KCNB2: variants seen among roughly 807,000 people sequenced by gnomAD.
The protein encoded by KCNB2 is delayed rectifier potassium channel protein.
In KCNB2, 15 loss-of-function variants were observed where a neutral mutation model predicts 61.5. That is an observed-to-expected ratio of 0.24 (90% CI 0.16 to 0.38). The LOEUF is 0.38. KCNB2 is among the 10% of genes least tolerant of loss of function. The pLI is 1.00. For missense variants in KCNB2, 828 were observed against 1,125.2 expected (o/e 0.74, Z 3.78); for synonymous variants, 457 against 446.0 (o/e 1.02, Z -0.31).
rs372612544 is a variant in KCNB2, at chr8:72,821,104, C to T, written c.580-114831C>T. Among the ~76,000 whole-genome samples the T allele has an allele frequency of 2.1e-4, 32 of 152,150 alleles. No homozygotes were observed. In the East Asian group the frequency reaches 4.2e-3, roughly 20 times the overall value. On this transcript the variant is annotated intron_variant, in intron 2 of 2. Coordinates refer to ENST00000523207, the MANE Select transcript of KCNB2 (RefSeq NM_004770.3). Reference sequence around the variant, plus strand: ...TCTTCAATTTTCATATCTCAAAAGGCGATATTATCCAATAGACAAAAACAC... The same window carrying T: ...TCTTCAATTTTCATATCTCAAAAGGTGATATTATCCAATAGACAAAAACAC...
At chr8:72,906,388 T>C (rs901268302) in intron 2 of KCNB2, among the ~76,000 whole-genome samples, 2 of 152,218 alleles carry the variant, frequency 1.3e-5, no homozygotes, top group Non-Finnish European at 1.5e-5. Context: ...TTGGGTCACC[T>C]TCATCAGTCC....
chr8:72,605,776 C>T lies in KCNB2; in HGVS notation c.579+37463C>T, dbSNP rs191837402. Among the ~76,000 whole-genome samples, 482 of 152,084 alleles carry T rather than the reference C, an allele frequency of 3.2e-3. 2 individuals are homozygous for T. The highest frequency in any genetic ancestry group is 0.011 in the African/African-American group (470 of 41,488). On this transcript the variant is annotated intron_variant, in intron 2 of 2. Coordinates refer to ENST00000523207, the MANE Select transcript of KCNB2 (RefSeq NM_004770.3). ...GGTTCAATAAATATTCTAATGGTGG[C>T]AGGTGAGCATAAATATAGAGAAGAT...
intron 2 of KCNB2, among the ~76,000 whole-genome samples, chr8:72,806,527 A>G (rs1809225772): frequency 1.3e-5 from 2 of 151,992 alleles, no homozygotes; most frequent in Admixed American, 6.6e-5. Flanking sequence ...AGGCAGGAGA[A>G]TCACTTGAAC....
intron 2 of KCNB2, among the ~76,000 whole-genome samples, chr8:72,900,037 C>A (rs1014692755): frequency 6.6e-6 from 1 of 151,952 alleles, no homozygotes; most frequent in Non-Finnish European, 1.5e-5. Context: ...CCTGAATAGC[C>A]AAAGCAATCC....
intron 2 of KCNB2, among the ~76,000 whole-genome samples, chr8:72,617,223 G>T (rs900087896): frequency 1.3e-5 from 2 of 152,032 alleles, no homozygotes; most frequent in African/African-American, 2.4e-5. Context: ...TACTAATGTT[G>T]CCCCAATCCT....
chr8:72,749,428 T>G (rs1808144765), intron 2 of KCNB2: 1 of 152,058 alleles, frequency 6.6e-6, no homozygotes, highest in South Asian at 2.1e-4. Flanking sequence ...AACCAGTCAT[T>G]TTCTCTGAGA....
At chr8:72,624,788 G>A (rs1051799138) in intron 2 of KCNB2, among the ~76,000 whole-genome samples, 1 of 152,178 alleles carries the variant, frequency 6.6e-6, no homozygotes, top group Non-Finnish European at 1.5e-5. Flanking sequence ...GCAGTGGGAT[G>A]TACTTGGTTA....
At chr8:72,915,721 C>A (rs7460411) in intron 2 of KCNB2, among the ~76,000 whole-genome samples, 1 of 151,448 alleles carries the variant, frequency 6.6e-6, no homozygotes, top group African/African-American at 2.4e-5. Context: ...AGATCAATAC[C>A]ATCCTGGCTA....
At chr8:72,896,068 T>C (rs891088530) in intron 2 of KCNB2, among the ~76,000 whole-genome samples, 1 of 152,190 alleles carries the variant, frequency 6.6e-6, no homozygotes, top group Non-Finnish European at 1.5e-5. Context: ...AGAGGAGTTA[T>C]GATGAAGCAT....
intron 2 of KCNB2, among the ~76,000 whole-genome samples, chr8:72,579,368 C>G (rs139185170): frequency 4.6e-5 from 7 of 151,972 alleles, no homozygotes; most frequent in African/African-American, 1.7e-4. Flanking sequence ...TGTAAGAGTC[C>G]GAATTGAAGA....
At chr8:72,868,436 G>A (rs1281067011) in intron 2 of KCNB2, among the ~76,000 whole-genome samples, 1 of 151,816 alleles carries the variant, frequency 6.6e-6, no homozygotes, top group Non-Finnish European at 1.5e-5. Context: ...AAATTAGCCA[G>A]GCGTGGTGGC....
intron 2 of KCNB2, among the ~76,000 whole-genome samples, chr8:72,810,966 T>C (rs1027100446): frequency 6.6e-6 from 1 of 152,176 alleles, no homozygotes; most frequent in Non-Finnish European, 1.5e-5. Flanking sequence ...GTCACAGTTA[T>C]CAAGCTAGAA....
chr8:72,700,377 AT>A (rs1364956830), intron 2 of KCNB2, among the ~76,000 whole-genome samples: 5 of 152,084 alleles, frequency 3.3e-5, no homozygotes, highest in Non-Finnish European at 5.9e-5. Flanking sequence ...TAATTAATTA[AT>A]TTAATTTAAA....
chr8:72,737,696 A>G (rs1030949032), intron 2 of KCNB2, among the ~76,000 whole-genome samples: 7 of 152,152 alleles, frequency 4.6e-5, no homozygotes, highest in African/African-American at 1.7e-4. Context: ...GGACGTGGCA[A>G]TGGGGTGGAC....
At chr8:72,709,358 T>A (rs1218652442) in intron 2 of KCNB2, among the ~76,000 whole-genome samples, 1 of 152,136 alleles carries the variant, frequency 6.6e-6, no homozygotes, top group Non-Finnish European at 1.5e-5. Context: ...CCTTCTGTAT[T>A]AGACCATTTT....
chr8:72,704,719 A>G (rs74382397), intron 2 of KCNB2, among the ~76,000 whole-genome samples: 1,802 of 152,280 alleles, frequency 0.012, 23 homozygotes, highest in Non-Finnish European at 0.019. Context: ...GGAATTTAGC[A>G]GTGACTCCAA....
intron 2 of KCNB2, among the ~76,000 whole-genome samples, chr8:72,593,356 G>A (rs1379615287): frequency 1.3e-5 from 2 of 152,128 alleles, no homozygotes; most frequent in East Asian, 3.8e-4. Flanking sequence ...GGGAGCTGTA[G>A]ACATATTATG....
At chr8:72,859,118 T>C (rs985846848) in intron 2 of KCNB2, among the ~76,000 whole-genome samples, 3 of 152,148 alleles carry the variant, frequency 2.0e-5, no homozygotes, top group Non-Finnish European at 4.4e-5. Flanking sequence ...GAGTAGTACC[T>C]CTCAGTGTGA....
At chr8:72,686,937 G>A (rs532397831) in intron 2 of KCNB2, among the ~76,000 whole-genome samples, 1 of 152,276 alleles carries the variant, frequency 6.6e-6, no homozygotes, top group South Asian at 2.1e-4. Flanking sequence ...ATGAAATAAT[G>A]AGGATAGGCT....
Sources: allele counts gnomAD v4.1 joint callset (sites outside exome capture counted in the v4.1 genomes callset), GRCh38; gene constraint gnomAD v4.1.1; transcripts MANE v1.5; gene names NCBI Gene and HGNC (gene_info 2026-07-23, HGNC 2026-07-21).